TSPEAR: variants seen among roughly 807,000 people sequenced by gnomAD.
TSPEAR encodes the protein thrombospondin-type laminin G domain and EAR repeat-containing protein.
A neutral mutation model predicts 71.6 loss-of-function variants in TSPEAR; 69 were observed. That is an observed-to-expected ratio of 0.96 (90% CI 0.79 to 1.18). The LOEUF (loss-of-function observed/expected upper bound fraction) is 1.18, where lower values mean the gene tolerates loss of function less well. Ranked by LOEUF, TSPEAR falls within the 50% of genes most tolerant of loss-of-function variation. The pLI, the probability that TSPEAR is intolerant of heterozygous loss-of-function variation, is 0.00. For missense variants in TSPEAR, 971 were observed against 894.9 expected (o/e 1.09, Z -1.09); for synonymous variants, 402 against 387.2 (o/e 1.04, Z -0.45).
intron 1 of TSPEAR, chr21:44,627,339 C>T (rs1438476009): frequency 6.2e-7 from 1 of 1,613,330 alleles, no homozygotes. Context: ...TATCCAGCCC[C>T]TGCTGCCAGG....
At chr21:44,615,164 G>A (rs1555932137) in intron 1 of TSPEAR, among the ~76,000 whole-genome samples, 2 of 152,356 alleles carry the variant, frequency 1.3e-5, no homozygotes, top group African/African-American at 4.8e-5. Context: ...GCGCATGTAC[G>A]TAAGCGGCAC....
At position 44,512,673 on chromosome 21, in the gene TSPEAR, C is replaced by T. The variant is rs587678380; in HGVS notation, c.1567-3287G>A. 1.6e-4 allele frequency among the ~76,000 whole-genome samples: 25 copies of T among 152,270 alleles called. 1 individual carries two copies. The East Asian group carries it at 4.3e-3, about 26-fold the overall frequency. ...GTAGCACTGCAGCCTGCCTCCAGGGCAGGGATTGTGCCCACGTTTCATGGG... is the reference window on the plus strand; with the variant it reads ...GTAGCACTGCAGCCTGCCTCCAGGGTAGGGATTGTGCCCACGTTTCATGGG... On this transcript the variant is annotated intron_variant, in intron 9 of 11. Coordinates refer to ENST00000323084, the MANE Select transcript of TSPEAR (RefSeq NM_144991.3).
At chr21:44,611,735 A>C (rs1434232879) in intron 1 of TSPEAR, among the ~76,000 whole-genome samples, 1 of 152,198 alleles carries the variant, frequency 6.6e-6, no homozygotes, top group Admixed American at 6.5e-5. Flanking sequence ...TAGCAAAGAC[A>C]TACAGGCAAA....
chr21:44,705,582 G>A (rs1446008349), intron 1 of TSPEAR, among the ~76,000 whole-genome samples: 16 of 152,208 alleles, frequency 1.1e-4, no homozygotes, highest in African/African-American at 2.7e-4. Flanking sequence ...CCCCCGGGGC[G>A]TACCTGTCTC....
chr21:44,553,194 C>G (rs782271312), intron 2 of TSPEAR, among the ~76,000 whole-genome samples: 2 of 152,192 alleles, frequency 1.3e-5, no homozygotes, highest in African/African-American at 4.8e-5. Context: ...AACTTCTTGT[C>G]GAAGTTACTA....
chr21:44,690,778 TTGTC>T (rs1158262549), intron 1 of TSPEAR, among the ~76,000 whole-genome samples: 3 of 152,220 alleles, frequency 2.0e-5, no homozygotes, highest in African/African-American at 7.2e-5. Context: ...ACATTTTTGT[TTGTC>T]TGTTTGTTTA....
chr21:44,612,015 A>G lies in TSPEAR; in HGVS notation c.83-44010T>C. ...TGAGACTCCTGTGAGGAAAATACCC[A>G]GGGAGGGTATAAAACCTCAGCAGCC... On this transcript the variant is annotated intron_variant, in intron 1 of 11. Transcript: ENST00000323084. This position sits in a 1 kb window ranked among gnomAD's most constrained non-coding sequence, Gnocchi z 4.1. 1 of 1,359,500 alleles carries G rather than the reference A, an allele frequency of 7.4e-7. No individual in the cohort carries two copies. Among genetic ancestry groups the G allele is most frequent in the East Asian group, 2.3e-5 (1 of 43,374 alleles). The allele number at this position is 1,359,500 out of a possible 1,614,324, so 84.2% of individuals were successfully genotyped here.
chr21:44,555,414 C>T (rs1191143587), intron 2 of TSPEAR, among the ~76,000 whole-genome samples: 1 of 152,198 alleles, frequency 6.6e-6, no homozygotes, highest in African/African-American at 2.4e-5. Context: ...ATGGGGACTC[C>T]CGCACTAGCA....
intron 1 of TSPEAR, chr21:44,646,293 G>A (rs1407680216): frequency 1.0e-6 from 1 of 1,002,204 alleles, no homozygotes; most frequent in East Asian, 2.6e-5. Context: ...GCCACCAGCT[G>A]TAAACACCAA....
chr21:44,691,168 C>A (rs1987108283), intron 1 of TSPEAR, among the ~76,000 whole-genome samples: 1 of 151,936 alleles, frequency 6.6e-6, no homozygotes, highest in Non-Finnish European at 1.5e-5. Flanking sequence ...GAAATGTCTC[C>A]TAAGAACATG....
intron 1 of TSPEAR, among the ~76,000 whole-genome samples, chr21:44,648,242 G>C (rs1984557396): frequency 6.6e-6 from 1 of 152,208 alleles, no homozygotes. Flanking sequence ...AGGACAGTGG[G>C]AGAGGATGAG....
At chr21:44,683,155 T>C (rs892513846) in intron 1 of TSPEAR, among the ~76,000 whole-genome samples, 4 of 152,050 alleles carry the variant, frequency 2.6e-5, no homozygotes, top group African/African-American at 4.8e-5. Flanking sequence ...AGAATAGGAT[T>C]TTTAGGGAAG....
intron 1 of TSPEAR, among the ~76,000 whole-genome samples, chr21:44,611,150 T>C (rs1165641060): frequency 6.6e-6 from 1 of 152,142 alleles, no homozygotes; most frequent in Non-Finnish European, 1.5e-5. Context: ...TGGGAAGGCA[T>C]GACTGGTTTT....
chr21:44,511,421 CAT>C (rs1481293493), intron 9 of TSPEAR, among the ~76,000 whole-genome samples: 6 of 152,352 alleles, frequency 3.9e-5, no homozygotes, highest in Middle Eastern at 3.4e-3. Flanking sequence ...TGCCTGTACA[CAT>C]GTGGATACAC....
intron 1 of TSPEAR, chr21:44,574,514 G>T: frequency 6.2e-7 from 1 of 1,609,256 alleles, no homozygotes; most frequent in Non-Finnish European, 8.5e-7. Flanking sequence ...CATGCTGCCA[G>T]CAGTCTAGCT....
At chr21:44,678,064 G>A (rs985981050) in intron 1 of TSPEAR, 22 of 698,238 alleles carry the variant, frequency 3.2e-5, no homozygotes, top group South Asian at 7.8e-5. Flanking sequence ...GGTCACACTC[G>A]ATAACTGACA....
intron 1 of TSPEAR, among the ~76,000 whole-genome samples, chr21:44,635,434 T>C (rs2146214887): frequency 6.6e-6 from 1 of 151,018 alleles, no homozygotes; most frequent in East Asian, 1.9e-4. Context: ...CATTAGCAGA[T>C]GAATGGATAA....
chr21:44,618,860 T>C (rs993384247), intron 1 of TSPEAR, among the ~76,000 whole-genome samples: 2 of 152,070 alleles, frequency 1.3e-5, no homozygotes, highest in Non-Finnish European at 2.9e-5. Context: ...AGTCAAAAAT[T>C]TTCAGTTGGG....
At chr21:44,661,956 C>T (rs1456439007) in intron 1 of TSPEAR, among the ~76,000 whole-genome samples, 1 of 151,790 alleles carries the variant, frequency 6.6e-6, no homozygotes, top group African/African-American at 2.4e-5. Flanking sequence ...GAGATTTGGG[C>T]GGGGACACAA....
Sources: allele counts gnomAD v4.1 joint callset (sites outside exome capture counted in the v4.1 genomes callset), GRCh38; gene constraint gnomAD v4.1.1; non-coding constraint Gnocchi (gnomAD v3.1); transcripts MANE v1.5; gene names NCBI Gene and HGNC (gene_info 2026-07-23, HGNC 2026-07-21).